Variants in PKD1L3 observed in about 807,000 individuals in gnomAD.
The protein encoded by PKD1L3 is polycystin-1-like protein 3.
Under a neutral mutation model 184.1 loss-of-function variants are expected in PKD1L3, and 239 were observed. The observed-to-expected ratio is 1.30, with a 90% CI of 1.17 to 1.45. The LOEUF (loss-of-function observed/expected upper bound fraction) is 1.45, where lower values mean the gene tolerates loss of function less well. PKD1L3 is among the 40% of genes most tolerant of loss of function. The pLI is 0.00. For synonymous variants in PKD1L3, 996 were observed against 778.8 expected (o/e 1.28, Z -4.64); for missense variants, 2,660 against 2,067.2 (o/e 1.29, Z -5.56).
chr16:71,934,075 A>G lies in PKD1L3; in HGVS notation c.4664T>C (p.Leu1555Pro). Residue 1555 changes from leucine to proline, a missense_variant, in exon 27 of 30, where the codon CTT becomes CCT. Coordinates refer to ENST00000620267, the MANE Select transcript of PKD1L3 (RefSeq NM_181536.2). ...TGCCAGGAGAACCGGGAAGCCCACA[A>G]GGTGAGTCGCAGCAGAGTTCACTTT... ...AVKVNSAATH[L>P]VGFPVLLATV... 1 of 1,551,962 alleles carries G rather than the reference A, an allele frequency of 6.4e-7. No individual in the cohort carries two copies. Among genetic ancestry groups the G allele is most frequent in the African/African-American group, 1.4e-5 (1 of 73,162 alleles).
chr16:71,935,366 G>A lies in PKD1L3; in HGVS notation c.4605C>T (p.Asp1535=). 6.4e-7 allele frequency: 1 copy of A among 1,551,494 alleles called. No individual in the cohort carries two copies. Among genetic ancestry groups the A allele is most frequent in the Non-Finnish European group, 8.7e-7 (1 of 1,146,876 alleles). The change falls in exon 26 of 30, where the codon GAC becomes GAT. Residue 1535 remains aspartate (D), a synonymous_variant. Transcript: ENST00000620267. ...HKKNMARYRD[D]QDRFISFYEA... ...CTCAGGCTTCCTCTCACCTGTCCTGGTCATCGCGGTATCGTGCCATGTTTT... is the reference window on the plus strand; with the variant it reads ...CTCAGGCTTCCTCTCACCTGTCCTGATCATCGCGGTATCGTGCCATGTTTT...
chr16:71,929,817 G>T, intron 29 of PKD1L3, 139 bp from the exon 30 acceptor site: 1 of 1,010,196 alleles, frequency 9.9e-7, no homozygotes, highest in Non-Finnish European at 1.4e-6. Context: ...GTCAGGCATT[G>T]GAGTGTTTCC....
intron 22 of PKD1L3, among the ~76,000 whole-genome samples, chr16:71,945,799 G>T (rs540758071): frequency 6.6e-6 from 1 of 152,254 alleles, no homozygotes; most frequent in Non-Finnish European, 1.5e-5. Context: ...GAAAGTCAGA[G>T]AAGGCGCCAC....
intron 15 of PKD1L3, among the ~76,000 whole-genome samples, chr16:71,965,374 T>C (rs546702459): frequency 6.6e-5 from 10 of 152,296 alleles, no homozygotes; most frequent in African/African-American, 2.4e-4. Flanking sequence ...ACACATGTTT[T>C]TGTTTATCTT....
intron 22 of PKD1L3, among the ~76,000 whole-genome samples, chr16:71,945,923 G>T (rs1262151873): frequency 6.6e-6 from 1 of 152,152 alleles, no homozygotes; most frequent in Non-Finnish European, 1.5e-5. Flanking sequence ...CAACAGTTCA[G>T]AATGCACAGA....
rs1597289123 is a variant in PKD1L3, at chr16:71,942,784, A to C, written c.4100T>G (p.Phe1367Cys). The change falls in exon 24 of 30, where the codon TTC becomes TGC. Residue 1367 changes from phenylalanine to cysteine, a missense_variant. Physicochemically the swap from Phe to Cys is radical, Grantham distance 205. Transcript: ENST00000620267. The part of the protein sequence containing the change: ...SHCKCGVQLI[F>C]QIPRTKTYEK... The stretch of plus-strand genomic sequence containing the variant: ...ATAGGTCTTGGTACGGGGTATTTGG[A>C]AAATTAATTGTACCCCACATTTGCA... 1 of 1,551,614 alleles carries C rather than the reference A, an allele frequency of 6.4e-7. No homozygotes were observed. The highest frequency in any genetic ancestry group is 2.4e-5 in the East Asian group (1 of 40,920).
intron 28 of PKD1L3, among the ~76,000 whole-genome samples, chr16:71,932,147 C>T (rs1450735131): frequency 6.6e-6 from 1 of 152,180 alleles, no homozygotes; most frequent in Non-Finnish European, 1.5e-5. Flanking sequence ...GCAGATACAA[C>T]ATTAGAAACT....
intron 15 of PKD1L3, among the ~76,000 whole-genome samples, chr16:71,964,309 C>CTTTTTTTTTTTTTTTTTTTTTTTTTTTT (rs772995457): frequency 1.8e-5 from 1 of 56,658 alleles, no homozygotes; most frequent in Non-Finnish European, 3.2e-5. Flanking sequence ...TCGTCAAAAT[C>CTTTTTTTTTTTTTTTTTTTTTTTTTTTT]TTTTTTTTTT....
At chr16:71,969,823 T>TCA in intron 13 of PKD1L3, 52 bp downstream of exon 13, 1 of 1,464,464 alleles carries the variant, frequency 6.8e-7, no homozygotes, top group South Asian at 1.3e-5. Flanking sequence ...CTTCATCTTA[T>TCA]TTAATTACTC....
At chr16:71,977,083 C>T (rs544725969) in intron 11 of PKD1L3, among the ~76,000 whole-genome samples, 153 bp downstream of exon 11, 2 of 152,276 alleles carry the variant, frequency 1.3e-5, no homozygotes, top group Admixed American at 1.3e-4. Context: ...TGTGGTGGTG[C>T]GCACTTGTAG....
rs2039435569 is a variant in PKD1L3, at chr16:71,964,828, G to A, written c.2466-1477C>T. ...GAATTTTATGTGTGTGGAATCATAT[G>A]CTCTCTCTCTATATATATGTATTTT... is the stretch of plus-strand genomic sequence containing the variant. On this transcript the variant is annotated intron_variant, in intron 15 of 29. Transcript: ENST00000620267. Among the ~76,000 whole-genome samples the A allele has an allele frequency of 9.3e-5, 14 of 149,782 alleles. No homozygotes were observed. The South Asian group carries it at 3.0e-3, about 32-fold the overall frequency.
intron 7 of PKD1L3, 42 bp from the exon 8 acceptor site, chr16:71,980,176 G>A: frequency 1.3e-6 from 2 of 1,536,988 alleles, no homozygotes; most frequent in Non-Finnish European, 1.8e-6. Context: ...TAAAACCTCA[G>A]TGTCTTATGT....
intron 19 of PKD1L3, 115 bp from the exon 20 acceptor site, chr16:71,950,425 C>T (rs2143358069): frequency 1.1e-6 from 1 of 934,256 alleles, no homozygotes; most frequent in East Asian, 2.7e-5. Flanking sequence ...CCACTACTAG[C>T]AGAGATTGGA....
chr16:71,945,438 G>C (rs1005830837), intron 22 of PKD1L3, among the ~76,000 whole-genome samples: 1 of 146,572 alleles, frequency 6.8e-6, no homozygotes, highest in Non-Finnish European at 1.5e-5. Flanking sequence ...ATATGTATTG[G>C]GAGGCCAAGG....
At chr16:71,971,403 A>G (rs1430230488) in intron 12 of PKD1L3, among the ~76,000 whole-genome samples, 1 of 152,184 alleles carries the variant, frequency 6.6e-6, no homozygotes, top group Non-Finnish European at 1.5e-5. Flanking sequence ...AGCCTCCAGT[A>G]CTGTCATTAT....
chr16:71,970,550 G>A (rs974865287), intron 12 of PKD1L3, among the ~76,000 whole-genome samples: 3 of 152,226 alleles, frequency 2.0e-5, no homozygotes, highest in Non-Finnish European at 4.4e-5. Flanking sequence ...GCTCATATCT[G>A]TAATCCTAGC....
Position 71,984,080 on chromosome 16 carries a change from G to A in PKD1L3, c.922C>T (p.Gln308Ter), listed in dbSNP as rs979100560. Residue 308 changes from glutamine to a stop codon, truncating the protein, a stop_gained, in exon 6 of 30, where the codon CAG becomes TAG. Transcript: ENST00000620267. LOFTEE classifies it high-confidence loss of function. Reference sequence around the variant, plus strand: ...CTTGGGGTTAAGGCTGTTAGTTTCTGGAGGAACTCACAAGCTTCCTGTAGT... The same window carrying A: ...CTTGGGGTTAAGGCTGTTAGTTTCTAGAGGAACTCACAAGCTTCCTGTAGT... ...NKLQEACEFL[Q>*]KLTALTPRFS... The A allele has an allele frequency of 2.1e-4, 329 of 1,552,104 alleles. No homozygotes were observed. The highest frequency in any genetic ancestry group is 2.8e-4 in the Non-Finnish European group (323 of 1,147,100).
At chr16:71,931,439 G>A (rs1359675956) in intron 28 of PKD1L3, among the ~76,000 whole-genome samples, 14 of 145,708 alleles carry the variant, frequency 9.6e-5, no homozygotes, top group Admixed American at 8.9e-4. Flanking sequence ...TTCCCTAAAG[G>A]TTAAGAAAGT....
At chr16:71,976,388 T>G (rs2039926576) in intron 11 of PKD1L3, among the ~76,000 whole-genome samples, 1 of 150,920 alleles carries the variant, frequency 6.6e-6, no homozygotes, top group African/African-American at 2.4e-5. Flanking sequence ...CCCAAGTAGC[T>G]GGGATTACAG....
Sources: gnomAD v4.1 joint callset for allele counts (sites outside exome capture counted in the v4.1 genomes callset) on GRCh38, gnomAD v4.1.1 for gene constraint, MANE v1.5 for transcripts, NCBI Gene and HGNC (gene_info 2026-07-23, HGNC 2026-07-21) for gene names.